GPR39: variants seen among roughly 807,000 people sequenced by gnomAD.
The protein encoded by GPR39 is G protein-coupled receptor 39, also known as zinc sensing receptor.
GPR39 carries 23 observed loss-of-function variants against 18.4 expected under a neutral mutation model. The ratio of observed to expected loss-of-function variants is 1.25; its 90% CI spans 0.90 to 1.77. The LOEUF (loss-of-function observed/expected upper bound fraction) is 1.77, where lower values mean the gene tolerates loss of function less well. Ranked by LOEUF, GPR39 falls within the 40% of genes most tolerant of loss-of-function variation. The pLI is 0.00. For missense variants in GPR39, 647 were observed against 602.4 expected, an observed-to-expected ratio of 1.07 and a Z score of -0.78; for synonymous variants, 280 against 257.9, an observed-to-expected ratio of 1.09 and a Z score of -0.82.
At chr2:132,562,466 A>G (rs1380811874) in intron 1 of GPR39, among the ~76,000 whole-genome samples, 1 of 152,070 alleles carries the variant, frequency 6.6e-6, no homozygotes, top group East Asian at 1.9e-4. Flanking sequence ...GGCTGTTCTG[A>G]TTCACCTCTC....
chr2:132,430,990 C>T (rs1424980078), intron 1 of GPR39, among the ~76,000 whole-genome samples: 3 of 152,074 alleles, frequency 2.0e-5, no homozygotes, highest in African/African-American at 7.2e-5. Context: ...CATCTTAGTG[C>T]ATGAGCAGTT....
At chr2:132,513,065 C>T (rs1037534392) in intron 1 of GPR39, among the ~76,000 whole-genome samples, 2 of 151,770 alleles carry the variant, frequency 1.3e-5, no homozygotes, top group Admixed American at 6.6e-5. Context: ...GCTCCTGGGT[C>T]GGTTCTGTTC....
intron 1 of GPR39, among the ~76,000 whole-genome samples, chr2:132,557,890 G>A (rs1271748969): frequency 6.6e-6 from 1 of 152,124 alleles, no homozygotes; most frequent in Non-Finnish European, 1.5e-5. Flanking sequence ...GGGTTCACTC[G>A]GCAAGTCTGG....
intron 1 of GPR39, among the ~76,000 whole-genome samples, chr2:132,595,582 A>T (rs572552921): frequency 6.6e-5 from 10 of 152,232 alleles, no homozygotes; most frequent in African/African-American, 2.4e-4. Context: ...TCTGCTGATC[A>T]TGGGTTCAAT....
intron 1 of GPR39, chr2:132,604,995 A>T (rs775847367): frequency 6.6e-6 from 1 of 152,210 alleles, no homozygotes. Flanking sequence ...TGCTTTACAT[A>T]TTCATTTACT....
intron 1 of GPR39, among the ~76,000 whole-genome samples, chr2:132,492,014 T>A (rs754644400): frequency 2.0e-5 from 3 of 151,084 alleles, no homozygotes; most frequent in Non-Finnish European, 4.4e-5. Context: ...TATATATATA[T>A]ACACAGCACA....
intron 1 of GPR39, among the ~76,000 whole-genome samples, chr2:132,629,727 G>A (rs1681615009): frequency 1.3e-5 from 2 of 152,212 alleles, no homozygotes; most frequent in African/African-American, 4.8e-5. Context: ...AAAGACAAAA[G>A]TTGAATGAAA....
rs550520036 is a variant in GPR39, at chr2:132,417,821, G to C, written c.779G>C (p.Gly260Ala). Residue 260 changes from glycine to alanine, a missense_variant, in exon 1 of 2, where the codon GGC (glycine) becomes GCC (alanine). By Grantham distance (60) the Gly-to-Ala change is moderately conservative. This residue lies in a region of GPR39 where 581 missense variants were observed against 506.8 expected (regional missense o/e 1.15). Transcript: ENST00000329321. ...AGCCAGAAGGGCTCGCTGGCCGGGG[G>C]CACGCGGCCTCCGCAGCTGAGGAAG... ...MKSQKGSLAG[G>A]TRPPQLRKSE... 1 of 1,613,810 alleles carries C rather than the reference G, an allele frequency of 6.2e-7. No individual in the cohort carries two copies. Among genetic ancestry groups the C allele is most frequent in the Admixed American group, 1.7e-5 (1 of 60,030 alleles).
intron 1 of GPR39, among the ~76,000 whole-genome samples, chr2:132,540,153 A>G (rs906534066): frequency 3.3e-5 from 5 of 152,168 alleles, no homozygotes; most frequent in African/African-American, 9.7e-5. Context: ...TCTTGTACTC[A>G]TCTACAGGTA....
At chr2:132,478,712 C>G (rs1408687687) in intron 1 of GPR39, among the ~76,000 whole-genome samples, 1 of 152,224 alleles carries the variant, frequency 6.6e-6, no homozygotes, top group Middle Eastern at 3.4e-3. Context: ...AGGGAAGCTA[C>G]CACTTAGTGA....
At chr2:132,457,538 G>T (rs1680751966) in intron 1 of GPR39, among the ~76,000 whole-genome samples, 1 of 152,296 alleles carries the variant, frequency 6.6e-6, no homozygotes, top group South Asian at 2.1e-4. Context: ...CATATGTGGT[G>T]TCAGTCAGCC....
At chr2:132,539,668 T>G (rs1272276965) in intron 1 of GPR39, among the ~76,000 whole-genome samples, 1 of 152,186 alleles carries the variant, frequency 6.6e-6, no homozygotes, top group Non-Finnish European at 1.5e-5. Context: ...GGGGAGTGCT[T>G]GCCTGGGTGG....
chr2:132,473,032 G>A (rs955648221), intron 1 of GPR39, among the ~76,000 whole-genome samples: 5 of 152,086 alleles, frequency 3.3e-5, no homozygotes, highest in African/African-American at 1.2e-4. Flanking sequence ...TAGCTGGGCA[G>A]CTTGTGCCAC....
chr2:132,505,998 A>G (rs1294350626), intron 1 of GPR39, among the ~76,000 whole-genome samples: 2 of 152,202 alleles, frequency 1.3e-5, no homozygotes, highest in Non-Finnish European at 2.9e-5. Context: ...CAATGGTTGT[A>G]CTAATTTACA....
intron 1 of GPR39, among the ~76,000 whole-genome samples, chr2:132,450,319 T>C (rs1266194919): frequency 1.3e-5 from 2 of 152,252 alleles, no homozygotes; most frequent in South Asian, 2.1e-4. Flanking sequence ...TTGAGCTTTC[T>C]GCTCAGCTCC....
At chr2:132,500,225 T>C (rs557258248) in intron 1 of GPR39, among the ~76,000 whole-genome samples, 14 of 152,316 alleles carry the variant, frequency 9.2e-5, no homozygotes, top group Admixed American at 3.3e-4. Context: ...GGGTTTGTCA[T>C]AGATGGCTTT....
At chr2:132,441,924 T>C (rs1000745793) in intron 1 of GPR39, among the ~76,000 whole-genome samples, 2 of 152,192 alleles carry the variant, frequency 1.3e-5, no homozygotes, top group African/African-American at 2.4e-5. Context: ...CTTCTGGAGA[T>C]GATTTTGCTC....
chr2:132,423,312 T>C (rs1558794405), intron 1 of GPR39, among the ~76,000 whole-genome samples: 1 of 152,146 alleles, frequency 6.6e-6, no homozygotes, highest in African/African-American at 2.4e-5. Context: ...TCCTGGTGTC[T>C]CTTGCTCTTC....
chr2:132,469,561 CAGTG>C (rs576440852), intron 1 of GPR39, among the ~76,000 whole-genome samples: 1 of 152,138 alleles, frequency 6.6e-6, no homozygotes, highest in African/African-American at 2.4e-5. Context: ...TTTAATGAGA[CAGTG>C]AGCGTGTGTG....
Sources: allele counts gnomAD v4.1 joint callset (sites outside exome capture counted in the v4.1 genomes callset), GRCh38; gene constraint gnomAD v4.1.1; regional missense constraint gnomAD v4.1.1; transcripts MANE v1.5; gene names NCBI Gene and HGNC (gene_info 2026-07-23, HGNC 2026-07-21).